PIAS2: variants seen among roughly 807,000 people sequenced by gnomAD.
The protein encoded by PIAS2 is E3 SUMO-protein ligase PIAS2.
In PIAS2, 19 loss-of-function variants were observed where a neutral mutation model predicts 69.7. That is an observed-to-expected ratio of 0.27 (90% CI 0.19 to 0.40). PIAS2 has a LOEUF of 0.40. Among genes scored for constraint, PIAS2 ranks in the 10% least tolerant of loss-of-function variants. PIAS2 has a pLI of 1.00. For synonymous variants in PIAS2, 261 were observed against 263.2 expected, an observed-to-expected ratio of 0.99 and a Z score of 0.08; for missense variants, 624 against 757.0, an observed-to-expected ratio of 0.82 and a Z score of 2.06.
Position 46,917,139 on chromosome 18 carries a change from G to A in PIAS2, c.24+183C>T, listed in dbSNP as rs1273425124. On this transcript the variant is annotated intron_variant, in intron 1 of 13. Transcript: ENST00000585916. ...GGCCCGCCGCCCCCGCGCCGCCCGC[G>A]TGCCCTCCGCCGGCCCGCTCCCCTC... is the stretch of plus-strand genomic sequence containing the variant. The A allele has an allele frequency of 2.9e-6, 3 of 1,018,236 alleles. No homozygotes were observed. In the East Asian group the frequency reaches 2.9e-4, roughly 97 times the overall value. 63.1% of individuals were successfully genotyped at this position (1,018,236 alleles called of 1,614,324 possible). A position where few individuals can be genotyped will look rare whatever the true frequency, so the allele number is the denominator to read the frequency against.
chr18:46,871,877 T>C (rs528206993), intron 2 of PIAS2, among the ~76,000 whole-genome samples: 1 of 152,332 alleles, frequency 6.6e-6, no homozygotes, highest in East Asian at 1.9e-4. Context: ...GGCCTACATG[T>C]CAGTCCAAAC....
At chr18:46,897,718 CT>C (rs2055118626) in intron 1 of PIAS2, among the ~76,000 whole-genome samples, 1 of 152,120 alleles carries the variant, frequency 6.6e-6, no homozygotes, top group African/African-American at 2.4e-5. Flanking sequence ...GAAAGAAATT[CT>C]GTTAACATGA....
At chr18:46,845,180 A>G (rs1211034175) in intron 6 of PIAS2, among the ~76,000 whole-genome samples, 6 of 152,216 alleles carry the variant, frequency 3.9e-5, no homozygotes, top group African/African-American at 1.4e-4. Flanking sequence ...GACTAACCAG[A>G]ATCTTGCTAA....
chr18:46,832,562 G>T (rs994335206), intron 9 of PIAS2, among the ~76,000 whole-genome samples: 2 of 152,012 alleles, frequency 1.3e-5, no homozygotes, highest in Non-Finnish European at 2.9e-5. Context: ...CCACAATGGA[G>T]TACCACTATA....
At chr18:46,819,939 T>C (rs1280751543) in intron 12 of PIAS2, among the ~76,000 whole-genome samples, 2 of 152,144 alleles carry the variant, frequency 1.3e-5, no homozygotes, top group African/African-American at 2.4e-5. Flanking sequence ...TTCCCCCTTA[T>C]CCAAGATTTT....
intron 1 of PIAS2, chr18:46,905,614 T>A (rs2056494720): frequency 6.6e-6 from 1 of 151,832 alleles, no homozygotes; most frequent in Non-Finnish European, 1.5e-5. Context: ...GAAGGCATTT[T>A]AAAAAAAGAC....
At chr18:46,915,032 G>C (rs1484215536) in intron 1 of PIAS2, 1 of 151,414 alleles carries the variant, frequency 6.6e-6, no homozygotes, top group Non-Finnish European at 1.5e-5. Flanking sequence ...TTTAATTTAG[G>C]AGCAATCGCA....
chr18:46,893,651 T>TA (rs1231204404), intron 1 of PIAS2: 4 of 155,604 alleles, frequency 2.6e-5, no homozygotes. Context: ...GCTGCAAAGA[T>TA]AAAGTATTGC....
At position 46,809,742 on chromosome 18, in the gene PIAS2, C is replaced by A. The variant is rs1302010625; in HGVS notation, c.*2691G>T. 5 of 131,160 alleles carry A rather than the reference C, an allele frequency of 3.8e-5. No individual in the cohort carries two copies. The highest frequency in any genetic ancestry group is 8.9e-5 in the African/African-American group (3 of 33,880). 8.1% of individuals were successfully genotyped at this position (131,160 alleles called of 1,614,324 possible). A position where few individuals can be genotyped will look rare whatever the true frequency, so the allele number is the denominator to read the frequency against. On this transcript the variant is annotated 3_prime_UTR_variant, in exon 14 of 14. Coordinates refer to ENST00000585916, the MANE Select transcript of PIAS2 (RefSeq NM_004671.5). ...TGCACTCCATCCCGGGCAACAAGAGCAAGACTCAGCCTCAAAAAAAAAAAA... is the reference window on the plus strand; with the variant it reads ...TGCACTCCATCCCGGGCAACAAGAGAAAGACTCAGCCTCAAAAAAAAAAAA...
At position 46,831,040 on chromosome 18, in the gene PIAS2, G is replaced by GT. The variant is rs1234344932; in HGVS notation, c.1203-1174dup. ...CAAAAGTCAATCAACATAATTCACC[G>GT]TATTACCAGACTAGTCAATGCAAGG... On this transcript the variant is annotated intron_variant, in intron 9 of 13. Coordinates refer to ENST00000585916, the MANE Select transcript of PIAS2 (RefSeq NM_004671.5). 7.9e-5 allele frequency among the ~76,000 whole-genome samples: 12 copies of GT among 152,078 alleles called. No individual in the cohort carries two copies. The East Asian group carries it at 2.1e-3, about 27-fold the overall frequency.
chr18:46,851,489 A>T (rs897991878), intron 5 of PIAS2, among the ~76,000 whole-genome samples: 3 of 152,190 alleles, frequency 2.0e-5, no homozygotes, highest in African/African-American at 7.2e-5. Flanking sequence ...GAATGTTCTC[A>T]TCTGGCTGTC....
intron 5 of PIAS2, among the ~76,000 whole-genome samples, chr18:46,851,025 C>A (rs1436554555): frequency 6.6e-6 from 1 of 152,082 alleles, no homozygotes; most frequent in Non-Finnish European, 1.5e-5. Flanking sequence ...TCAAAATTAT[C>A]CCTTCTCAGG....
chr18:46,880,921 A>G (rs1280423521), intron 2 of PIAS2, among the ~76,000 whole-genome samples: 2 of 152,254 alleles, frequency 1.3e-5, no homozygotes, highest in Admixed American at 1.3e-4. Context: ...GCTTTAAATT[A>G]TAATCCCATT....
At chr18:46,864,975 A>T (rs545363555) in intron 2 of PIAS2, among the ~76,000 whole-genome samples, 16 of 152,282 alleles carry the variant, frequency 1.1e-4, no homozygotes, top group Admixed American at 5.2e-4. Flanking sequence ...CAAAACACTC[A>T]TATAAGAAAA....
intron 10 of PIAS2, among the ~76,000 whole-genome samples, chr18:46,828,630 T>C (rs2043151269): frequency 6.6e-6 from 1 of 152,172 alleles, no homozygotes; most frequent in Non-Finnish European, 1.5e-5. Context: ...CTTTTCACCA[T>C]AAGCCAGAAC....
At chr18:46,904,754 C>CA (rs767029961) in intron 1 of PIAS2, among the ~76,000 whole-genome samples, 8,231 of 104,714 alleles carry the variant, frequency 0.079, 327 homozygotes, top group Admixed American at 0.086. Flanking sequence ...CCATCCGTCT[C>CA]AAAAAAAAAA....
chr18:46,865,351 C>T (rs994034505), intron 2 of PIAS2, among the ~76,000 whole-genome samples: 2 of 151,926 alleles, frequency 1.3e-5, no homozygotes, highest in East Asian at 1.9e-4. Flanking sequence ...ACCAGCCTGG[C>T]CAACATGGTG....
At chr18:46,843,921 G>T (rs983967325) in intron 8 of PIAS2, 133 bp downstream of exon 8, 1 of 542,802 alleles carries the variant, frequency 1.8e-6, no homozygotes, top group Non-Finnish European at 3.3e-6. Flanking sequence ...TAATCATGAA[G>T]ATTCCTTAAT....
intron 12 of PIAS2, chr18:46,818,592 G>A (rs534853504): frequency 1.6e-6 from 1 of 640,978 alleles, no homozygotes; most frequent in South Asian, 7.2e-5. Context: ...ACTCTTCACA[G>A]TATGACTAAC....
Sources: gnomAD v4.1 joint callset for allele counts (sites outside exome capture counted in the v4.1 genomes callset) on GRCh38, gnomAD v4.1.1 for gene constraint, MANE v1.5 for transcripts, NCBI Gene and HGNC (gene_info 2026-07-23, HGNC 2026-07-21) for gene names.